SNTG1: variants seen among roughly 807,000 people sequenced by gnomAD.
SNTG1 encodes syntrophin gamma 1.
In SNTG1, 39 loss-of-function variants were observed where a neutral mutation model predicts 74.7. The observed-to-expected ratio is 0.52, with a 90% confidence interval of 0.40 to 0.68. The LOEUF is 0.68. Among genes scored for constraint, SNTG1 ranks in the 30% least tolerant of loss-of-function variants. SNTG1 has a pLI of 0.00. For missense variants in SNTG1, 685 were observed against 609.5 expected, an observed-to-expected ratio of 1.12 and a Z score of -1.30; for synonymous variants, 254 against 217.1, an observed-to-expected ratio of 1.17 and a Z score of -1.49.
At chr8:50,052,563 A>G (rs1207584662) in intron 1 of SNTG1, among the ~76,000 whole-genome samples, 1 of 152,166 alleles carries the variant, frequency 6.6e-6, no homozygotes, top group Admixed American at 6.6e-5. Flanking sequence ...AAAATTTAAA[A>G]GTAGATAAGT....
chr8:50,369,258 C>T lies in SNTG1; in HGVS notation c.-27-24954C>T, dbSNP rs530296634. 5.3e-5 allele frequency among the ~76,000 whole-genome samples: 8 copies of T among 152,144 alleles called. No homozygotes were observed. The East Asian group carries it at 1.4e-3, about 26-fold the overall frequency. ...TGGGAGGTATCAAAGTGAAATGATG[C>T]CATAAGAATAGCATCTTCATTTCAT... On this transcript the variant is annotated intron_variant, in intron 2 of 18. Transcript: ENST00000642720.
At chr8:50,212,113 T>A (rs554465307) in intron 2 of SNTG1, among the ~76,000 whole-genome samples, 5 of 152,178 alleles carry the variant, frequency 3.3e-5, no homozygotes, top group African/African-American at 1.2e-4. Flanking sequence ...CAAAACTGGT[T>A]TTTTTTTCTC....
At chr8:50,465,898 A>AT (rs2131711644) in intron 8 of SNTG1, among the ~76,000 whole-genome samples, 1 of 152,272 alleles carries the variant, frequency 6.6e-6, no homozygotes, top group East Asian at 1.9e-4. Context: ...ATGAAGTGCT[A>AT]TAACATTTCC....
intron 1 of SNTG1, among the ~76,000 whole-genome samples, chr8:50,029,351 T>G (rs1421574991): frequency 6.6e-6 from 1 of 152,114 alleles, no homozygotes; most frequent in African/African-American, 2.4e-5. Flanking sequence ...TAGAATCATT[T>G]CAATTCCATC....
rs2095701472 is a variant in SNTG1, at chr8:50,795,013, C to T, written c.*2184C>T. ...ATGAGATATGTATAAATATATATCT[C>T]CTCAGAGAATACACACACACCTACA... is the stretch of plus-strand genomic sequence containing the variant. On this transcript the variant is annotated 3_prime_UTR_variant, in exon 19 of 19. Coordinates refer to ENST00000642720, the MANE Select transcript of SNTG1 (RefSeq NM_018967.5). 1 of 151,594 alleles carries T rather than the reference C, an allele frequency of 6.6e-6. No individual in the cohort carries two copies. Among genetic ancestry groups the T allele is most frequent in the South Asian group, 2.1e-4 (1 of 4,804 alleles). The allele number at this position is 151,594 out of a possible 1,614,324, so 9.4% of individuals were successfully genotyped here.
chr8:50,794,311 T>C lies in SNTG1; in HGVS notation c.*1482T>C, dbSNP rs1005255779. ...CAGATTTACTAATTTAAAAAATTAA[T>C]ATCAAGTTGTTTTTATACTCATGAT... On this transcript the variant is annotated 3_prime_UTR_variant, in exon 19 of 19. Transcript: ENST00000642720. 2 of 151,906 alleles carry C rather than the reference T, an allele frequency of 1.3e-5. No homozygotes were observed. The highest frequency in any genetic ancestry group is 6.6e-5 in the Admixed American group (1 of 15,196). 9.4% of individuals were successfully genotyped at this position (151,906 alleles called of 1,614,324 possible). A position where few individuals can be genotyped will look rare whatever the true frequency, so the allele number is the denominator to read the frequency against.
intron 2 of SNTG1, among the ~76,000 whole-genome samples, chr8:50,383,758 CA>C (rs1404080770): frequency 6.6e-6 from 1 of 152,140 alleles, no homozygotes; most frequent in Non-Finnish European, 1.5e-5. Flanking sequence ...CATGGTAAGA[CA>C]CACCTAAGGA....
At chr8:50,760,370 A>G (rs961014127) in intron 18 of SNTG1, among the ~76,000 whole-genome samples, 1 of 152,000 alleles carries the variant, frequency 6.6e-6, no homozygotes, top group African/African-American at 2.4e-5. Context: ...AACTTCCAAT[A>G]CTGTGTTGAA....
chr8:49,958,774 C>T (rs1222898119), intron 1 of SNTG1, among the ~76,000 whole-genome samples: 1 of 152,116 alleles, frequency 6.6e-6, no homozygotes, highest in African/African-American at 2.4e-5. Context: ...TAGGATCACT[C>T]TTAGGCAAAA....
At chr8:50,021,545 G>C (rs910480744) in intron 1 of SNTG1, among the ~76,000 whole-genome samples, 6 of 152,082 alleles carry the variant, frequency 3.9e-5, no homozygotes, top group African/African-American at 1.4e-4. Context: ...GAGAACTCTG[G>C]GAACTCTAGT....
intron 1 of SNTG1, among the ~76,000 whole-genome samples, chr8:49,937,912 T>A (rs1034350009): frequency 1.3e-5 from 2 of 152,184 alleles, no homozygotes; most frequent in Admixed American, 1.3e-4. Context: ...ATTATTCCTG[T>A]CAGATCCACA....
chr8:50,306,742 T>G lies in SNTG1; in HGVS notation c.-27-87470T>G, dbSNP rs545083173. ...CATTTGCCTACTTTTTGATGGATTT[T>G]TTTTTCTGATTTCTTTGAGTTCCAT... On this transcript the variant is annotated intron_variant, in intron 2 of 18. Coordinates refer to ENST00000642720, the MANE Select transcript of SNTG1 (RefSeq NM_018967.5). 1.2e-3 allele frequency among the ~76,000 whole-genome samples: 184 copies of G among 152,110 alleles called. No individual in the cohort carries two copies. The South Asian group carries it at 0.016, about 13-fold the overall frequency.
intron 15 of SNTG1, among the ~76,000 whole-genome samples, chr8:50,673,568 AT>A (rs766409413): frequency 2.6e-5 from 4 of 151,772 alleles, no homozygotes; most frequent in Non-Finnish European, 5.9e-5. Flanking sequence ...AGTTTAAGGA[AT>A]TTTTTGGCTG....
At chr8:50,419,955 G>C (rs969400100) in intron 4 of SNTG1, among the ~76,000 whole-genome samples, 1 of 151,256 alleles carries the variant, frequency 6.6e-6, no homozygotes, top group Non-Finnish European at 1.5e-5. Context: ...TTGAGACAGA[G>C]AGAACAATAA....
chr8:50,311,914 T>C (rs1050712468), intron 2 of SNTG1, among the ~76,000 whole-genome samples: 11 of 152,234 alleles, frequency 7.2e-5, no homozygotes, highest in African/African-American at 2.7e-4. Flanking sequence ...ATTTGATATT[T>C]GTGCATTGTC....
At chr8:49,964,667 A>G (rs1810987037) in intron 1 of SNTG1, among the ~76,000 whole-genome samples, 1 of 152,064 alleles carries the variant, frequency 6.6e-6, no homozygotes, top group Admixed American at 6.5e-5. Flanking sequence ...ACTCACTTTC[A>G]CCTTGTTTAG....
At position 50,689,611 on chromosome 8, in the gene SNTG1, G is replaced by A. The variant is rs559567531; in HGVS notation, c.1039-14989G>A. Among the ~76,000 whole-genome samples, 177 of 96,262 alleles carry A rather than the reference G, an allele frequency of 1.8e-3. 1 individual carries two copies. The highest frequency in any genetic ancestry group is 6.5e-3 in the African/African-American group (169 of 26,136). The allele number at this position is 96,262 out of a possible 152,430, so 63.2% of individuals were successfully genotyped here. ...CGGGGATGAAGCCCACTTGATCATG[G>A]TAGATAAGCTGTTTGATGTGCTGCT... is the stretch of plus-strand genomic sequence containing the variant. On this transcript the variant is annotated intron_variant, in intron 15 of 18. Coordinates refer to ENST00000642720, the MANE Select transcript of SNTG1 (RefSeq NM_018967.5).
At position 50,054,413 on chromosome 8, in the gene SNTG1, C is replaced by A. The variant is rs185177203; in HGVS notation, c.-102-118148C>A. 2.9e-3 allele frequency among the ~76,000 whole-genome samples: 448 copies of A among 152,254 alleles called. 8 individuals are homozygous for A. The highest frequency in any genetic ancestry group is 0.028 in the Admixed American group (423 of 15,268). ...TCTCCAATTATCTCCTTACCCACTACTTATTTCCTTAACCATTACTTATCT... is the reference window on the plus strand; with the variant it reads ...TCTCCAATTATCTCCTTACCCACTAATTATTTCCTTAACCATTACTTATCT... On this transcript the variant is annotated intron_variant, in intron 1 of 18. Coordinates refer to ENST00000642720, the MANE Select transcript of SNTG1 (RefSeq NM_018967.5).
chr8:49,947,101 A>G (rs1809261988), intron 1 of SNTG1, among the ~76,000 whole-genome samples: 1 of 152,152 alleles, frequency 6.6e-6, no homozygotes, highest in Non-Finnish European at 1.5e-5. Context: ...AGAGTTTGAG[A>G]CCAGCCTGGC....
Sources: allele counts gnomAD v4.1 joint callset (sites outside exome capture counted in the v4.1 genomes callset), GRCh38; gene constraint gnomAD v4.1.1; transcripts MANE v1.5; gene names NCBI Gene and HGNC (gene_info 2026-07-23, HGNC 2026-07-21).